The following PEAK1 variants were observed in gnomAD, a reference collection of about 807,000 sequenced individuals.
The protein encoded by PEAK1 is pseudopodium enriched atypical kinase 1.
A neutral mutation model predicts 124.7 loss-of-function variants in PEAK1; 54 were observed. The observed-to-expected ratio is 0.43, with a 90% CI of 0.35 to 0.54. The LOEUF (loss-of-function observed/expected upper bound fraction) is 0.54, where lower values mean the gene tolerates loss of function less well. Among genes scored for constraint, PEAK1 ranks in the 20% least tolerant of loss-of-function variants. PEAK1 has a pLI of 0.01. For synonymous variants in PEAK1, 719 were observed against 760.0 expected (o/e 0.95, Z 0.89); for missense variants, 2,046 against 2,134.5 (o/e 0.96, Z 0.82).
chr15:77,365,241 C>G lies in PEAK1; in HGVS notation c.-665-16G>C. ...GGGCAGATACCTGAATTGTAAAAAA[C>G]AAACAGAAAAAGACATGGTCAATAT... On this transcript the variant is annotated splice_polypyrimidine_tract_variant and intron_variant, in intron 1 of 9. Coordinates refer to ENST00000682557, the MANE Select transcript of PEAK1 (RefSeq NM_001385026.1). 8 of 971,404 alleles carry G rather than the reference C, an allele frequency of 8.2e-6. No homozygotes were observed. The highest frequency in any genetic ancestry group is 9.8e-6 in the Non-Finnish European group (8 of 817,168). The allele number at this position is 971,404 out of a possible 1,614,324, so 60.2% of individuals were successfully genotyped here. A position where few individuals can be genotyped will look rare whatever the true frequency, so the allele number is the denominator to read the frequency against.
intron 6 of PEAK1, among the ~76,000 whole-genome samples, chr15:77,195,892 A>G (rs1180551343): frequency 6.6e-6 from 1 of 152,198 alleles, no homozygotes; most frequent in Non-Finnish European, 1.5e-5. Context: ...GAAGGTGCAG[A>G]TTTACTGTGC....
rs16968741 is a variant in PEAK1, at chr15:77,278,609, G to A, written c.-275+5274C>T. ...GCCTAAAAAGGTCCCTGCAAAGAAC[G>A]GAGAGAAGGTACTCAAAGGAGAAAT... is the stretch of plus-strand genomic sequence containing the variant. On this transcript the variant is annotated intron_variant, in intron 5 of 9. Transcript: ENST00000682557. The A allele has an allele frequency of 2.3e-3, 1,194 of 510,814 alleles. 8 individuals are homozygous for A. The highest frequency in any genetic ancestry group is 0.018 in the African/African-American group (914 of 51,426). The allele number at this position is 510,814 out of a possible 1,614,324, so 31.6% of individuals were successfully genotyped here. A position where few individuals can be genotyped will look rare whatever the true frequency, so the allele number is the denominator to read the frequency against.
In PEAK1 at chr15:77,115,030, C is replaced by T. The variant is rs756409519; in HGVS notation, c.4367G>A (p.Arg1456Lys). 1 of 1,614,144 alleles carries T rather than the reference C, an allele frequency of 6.2e-7. No homozygotes were observed. The highest frequency in any genetic ancestry group is 1.7e-5 in the Admixed American group (1 of 60,022). Residue 1456 changes from arginine to lysine, a missense_variant, in exon 10 of 10, where the codon AGG (arginine) becomes AAG (lysine). Transcript: ENST00000682557. ...ENQGVMSKKQ[R>K]SHVVVITREV... ...CCTGGTGATGACCACAACGTGGCTC[C>T]TCTGCTTCTTGCTCATGACTCCCTG...
chr15:77,338,920 A>T (rs1644448560), intron 2 of PEAK1, among the ~76,000 whole-genome samples: 1 of 152,070 alleles, frequency 6.6e-6, no homozygotes, highest in Admixed American at 6.5e-5. Context: ...AAAAGTGTCT[A>T]AATCTCAAAA....
intron 9 of PEAK1, among the ~76,000 whole-genome samples, chr15:77,129,200 A>G (rs1048392104): frequency 4.6e-5 from 7 of 152,250 alleles, no homozygotes; most frequent in African/African-American, 1.7e-4. Context: ...GCTGGCTGTA[A>G]GCCAGGAAGA....
intron 1 of PEAK1, among the ~76,000 whole-genome samples, chr15:77,383,359 T>G (rs1471093773): frequency 6.6e-6 from 1 of 152,104 alleles, no homozygotes; most frequent in Non-Finnish European, 1.5e-5. Context: ...GAGAAGAATA[T>G]CCACACTGCA....
chr15:77,415,617 TGA>T (rs1289603554), intron 1 of PEAK1, among the ~76,000 whole-genome samples: 1 of 152,214 alleles, frequency 6.6e-6, no homozygotes, highest in Non-Finnish European at 1.5e-5. Context: ...TCTTAGCAGA[TGA>T]TCAAAAATTA....
intron 1 of PEAK1, among the ~76,000 whole-genome samples, chr15:77,408,848 A>T (rs1595875229): frequency 6.6e-6 from 1 of 152,132 alleles, no homozygotes; most frequent in African/African-American, 2.4e-5. Flanking sequence ...AGGCGGGAGG[A>T]TCACCTGAGC....
rs2051085562 is a variant in PEAK1, at chr15:77,113,169, T to C, written c.*987A>G. The stretch of plus-strand genomic sequence containing the variant: ...CAGGGCAATTGTTTACAGCATTTGG[T>C]AAACTAGTTAACACTGGCTACTGAT... On this transcript the variant is annotated 3_prime_UTR_variant, in exon 10 of 10. Transcript: ENST00000682557. 1 of 152,382 alleles carries C rather than the reference T, an allele frequency of 6.6e-6. No homozygotes were observed. Among genetic ancestry groups the C allele is most frequent in the African/African-American group, 2.4e-5 (1 of 41,588 alleles). 9.4% of individuals were successfully genotyped at this position (152,382 alleles called of 1,614,324 possible). A position where few individuals can be genotyped will look rare whatever the true frequency, so the allele number is the denominator to read the frequency against.
intron 2 of PEAK1, chr15:77,334,501 C>T: frequency 1.0e-6 from 1 of 985,388 alleles, no homozygotes; most frequent in Non-Finnish European, 1.2e-6. Flanking sequence ...ATCTCTTCCA[C>T]TCACGACCCA....
chr15:77,334,361 A>C (rs2066068564), intron 2 of PEAK1: 1 of 985,218 alleles, frequency 1.0e-6, no homozygotes, highest in Non-Finnish European at 1.2e-6. Flanking sequence ...CACCAGAAGG[A>C]AGGCCTTTTA....
chr15:77,205,450 G>C (rs987381772), intron 6 of PEAK1, among the ~76,000 whole-genome samples: 5 of 151,968 alleles, frequency 3.3e-5, no homozygotes, highest in Non-Finnish European at 7.4e-5. Context: ...ATACTAACTG[G>C]CAATATGGAG....
intron 6 of PEAK1, among the ~76,000 whole-genome samples, chr15:77,231,029 T>G (rs1230069153): frequency 6.6e-6 from 1 of 152,126 alleles, no homozygotes; most frequent in Non-Finnish European, 1.5e-5. Flanking sequence ...ACCAGCCCAG[T>G]GTTGGGTGTA....
chr15:77,133,410 C>T lies in PEAK1; in HGVS notation c.3672G>A (p.Lys1224=). ...TTGCTGCTGAGGGGACAGGTCTCTC[C>T]TTGCGCAAAGGCCTTTCCAAGGAGT... ...SYDSLERPLR[K]ERPVPSAANS... The change falls in exon 9 of 10, where the codon AAG becomes AAA. Residue 1224 remains lysine, a synonymous_variant. Transcript: ENST00000682557. This position sits in a 1 kb window ranked among gnomAD's most constrained non-coding sequence, Gnocchi z 4.2. 1.2e-6 allele frequency: 2 copies of T among 1,614,216 alleles called. No homozygotes were observed. The highest frequency in any genetic ancestry group is 1.7e-6 in the Non-Finnish European group (2 of 1,180,042).
intron 5 of PEAK1, among the ~76,000 whole-genome samples, chr15:77,263,489 A>C (rs923655260): frequency 6.6e-6 from 1 of 152,218 alleles, no homozygotes; most frequent in Non-Finnish European, 1.5e-5. Flanking sequence ...CTACACAAAT[A>C]AACTAGAAAA....
intron 2 of PEAK1, chr15:77,352,013 G>C (rs780211259): frequency 1.5e-4 from 140 of 945,772 alleles, no homozygotes; most frequent in Admixed American, 3.1e-4. Context: ...TTGAGCCCAG[G>C]AGTTCAAGAC....
chr15:77,277,624 TTC>T (rs1283393143), intron 5 of PEAK1, among the ~76,000 whole-genome samples: 1 of 147,454 alleles, frequency 6.8e-6, no homozygotes, highest in Non-Finnish European at 1.5e-5. Context: ...AGTGAATTAA[TTC>T]TGTGAATTAT....
At chr15:77,155,797 CGGTGGCTGTAGAACAGT>C (rs2055079483) in intron 8 of PEAK1, 1 of 152,928 alleles carries the variant, frequency 6.5e-6, no homozygotes, top group African/African-American at 2.4e-5. Context: ...TGCAGAACAG[CGGTGGCTGTAGAACAGT>C]GGATTTTGGT....
rs2053836102 is a variant in PEAK1 at position 77,142,123 on chromosome 15, A to G, written c.3332-8373T>C. On this transcript the variant is annotated intron_variant, in intron 8 of 9. Transcript: ENST00000682557. ...AGACTTATATTCAGAATATATAAGG[A>G]ACTCTTTTGAAAAAGATAAATAACC... is the stretch of plus-strand genomic sequence containing the variant. Among the ~76,000 whole-genome samples the G allele has an allele frequency of 2.0e-5, 3 of 152,366 alleles. 1 individual carries two copies. In the South Asian group the frequency reaches 6.2e-4, roughly 32 times the overall value.
Sources: allele counts gnomAD v4.1 joint callset (sites outside exome capture counted in the v4.1 genomes callset), GRCh38; gene constraint gnomAD v4.1.1; non-coding constraint Gnocchi (gnomAD v3.1); transcripts MANE v1.5; gene names NCBI Gene and HGNC (gene_info 2026-07-23, HGNC 2026-07-21).